TBC1D16: variants seen among roughly 807,000 people sequenced by gnomAD.
TBC1D16 encodes the protein TBC1 domain family member 16.
A neutral mutation model predicts 74.7 loss-of-function variants in TBC1D16; 58 were observed. The ratio of observed to expected loss-of-function variants is 0.78; its 90% confidence interval spans 0.63 to 0.97. The LOEUF is 0.97. TBC1D16 is among the 50% of genes least tolerant of loss of function. TBC1D16 has a pLI of 0.00. For missense variants in TBC1D16, 1,014 were observed against 1,079.5 expected (o/e 0.94, Z 0.85); for synonymous variants, 493 against 474.7 (o/e 1.04, Z -0.50).
At chr17:79,951,882 T>C (rs1285294) in intron 4 of TBC1D16, 176,839 of 326,420 alleles carry the variant, frequency 0.54, 49,948 homozygotes, top group Non-Finnish European at 0.62. Context: ...CCCGGCAACA[T>C]GGTCCCTGCA....
At position 80,008,436 on chromosome 17, in the gene TBC1D16, C is replaced by T. The variant is rs766377589; in HGVS notation, c.779+1724G>A. Among the ~76,000 whole-genome samples, 7 of 152,148 alleles carry T rather than the reference C, an allele frequency of 4.6e-5. No homozygotes were observed. The highest frequency in any genetic ancestry group is 8.8e-5 in the Non-Finnish European group (6 of 68,034). On this transcript the variant is annotated intron_variant, in intron 3 of 11. Coordinates refer to ENST00000310924, the MANE Select transcript of TBC1D16 (RefSeq NM_019020.4). This position sits in a 1 kb window ranked among gnomAD's most constrained non-coding sequence, Gnocchi z 4.5. ...GGCCAGCTTCTGGTTGTGGTTCTGC[C>T]ACAGAATCCTCAGCCCCAAGACCGT...
At position 80,010,375 on chromosome 17, in the gene TBC1D16, C is replaced by G. The variant is rs372257405; in HGVS notation, c.564G>C (p.Ser188=). 3 of 1,612,018 alleles carry G rather than the reference C, an allele frequency of 1.9e-6. No homozygotes were observed. The highest frequency in any genetic ancestry group is 2.5e-6 in the Non-Finnish European group (3 of 1,179,216). Residue 188 remains serine, a synonymous_variant, in exon 3 of 12, where the codon TCG becomes TCC. Coordinates refer to ENST00000310924, the MANE Select transcript of TBC1D16 (RefSeq NM_019020.4). This position sits in a 1 kb window ranked among gnomAD's most constrained non-coding sequence, Gnocchi z 8.8. ...QPACSPSGIL[S]TVSPQDVTEE... is the part of the protein sequence containing the mutation. ...CGGTGACATCCTGCGGACTGACCGT[C>G]GACAAGATCCCGGAGGGGCTGCAAG...
rs1311628959 is a variant in TBC1D16, at chr17:79,956,293, C to T, written c.780-3475G>A. On this transcript the variant is annotated intron_variant, in intron 3 of 11. Coordinates refer to ENST00000310924, the MANE Select transcript of TBC1D16 (RefSeq NM_019020.4). This position sits in a 1 kb window ranked among gnomAD's most constrained non-coding sequence, Gnocchi z 4.0. ...TTTAAAGACAAGGTCTCCCTCTATC[C>T]CCCTGGCTGAAGTGCGGTGGTGCAA... Among the ~76,000 whole-genome samples, 3 of 152,192 alleles carry T rather than the reference C, an allele frequency of 2.0e-5. No homozygotes were observed. Among genetic ancestry groups the T allele is most frequent in the Admixed American group, 2.0e-4 (3 of 15,284 alleles).
At chr17:80,032,757 G>T (rs1053798762) in intron 1 of TBC1D16, among the ~76,000 whole-genome samples, 4 of 152,174 alleles carry the variant, frequency 2.6e-5, no homozygotes, top group Admixed American at 1.3e-4. Flanking sequence ...TGTACAATTC[G>T]ATCATAAAAT....
intron 4 of TBC1D16, 76 bp downstream of exon 4, chr17:79,952,581 C>T (rs1598339811): frequency 6.6e-7 from 1 of 1,515,302 alleles, no homozygotes; most frequent in Non-Finnish European, 8.9e-7. Flanking sequence ...GTGCACTGCA[C>T]CGGCTGCAAA....
At position 79,983,478 on chromosome 17, in the gene TBC1D16, G is replaced by A. The variant is rs1180445038; in HGVS notation, c.779+26682C>T. Among the ~76,000 whole-genome samples, 2 of 152,166 alleles carry A rather than the reference G, an allele frequency of 1.3e-5. No homozygotes were observed. The highest frequency in any genetic ancestry group is 4.8e-5 in the African/African-American group (2 of 41,440). ...CATCAACAGGAGTGTGGACAACCTGGGGAACAGCCATGGAGACAGTGTCCC... is the reference window on the plus strand; with the variant it reads ...CATCAACAGGAGTGTGGACAACCTGAGGAACAGCCATGGAGACAGTGTCCC... On this transcript the variant is annotated intron_variant, in intron 3 of 11. Transcript: ENST00000310924. This position sits in a 1 kb window ranked among gnomAD's most constrained non-coding sequence, Gnocchi z 5.6.
chr17:79,951,397 G>C (rs539154340), intron 5 of TBC1D16, 53 bp downstream of exon 5: 2 of 1,584,298 alleles, frequency 1.3e-6, no homozygotes, highest in Non-Finnish European at 1.7e-6. Context: ...TGGGGCCCGT[G>C]GGGGGTGGGG....
At chr17:79,957,966 A>C (rs1383806515) in intron 3 of TBC1D16, among the ~76,000 whole-genome samples, 1 of 152,022 alleles carries the variant, frequency 6.6e-6, no homozygotes, top group Non-Finnish European at 1.5e-5. Flanking sequence ...AAAAAGAAAA[A>C]TATAAATGCC....
At chr17:80,028,580 G>A (rs909867798) in intron 1 of TBC1D16, among the ~76,000 whole-genome samples, 7 of 151,348 alleles carry the variant, frequency 4.6e-5, no homozygotes, top group East Asian at 3.9e-4. Context: ...AAGTAAAAGC[G>A]TCAATGCTGA....
chr17:79,995,063 G>T (rs915150597), intron 3 of TBC1D16, among the ~76,000 whole-genome samples: 23 of 152,070 alleles, frequency 1.5e-4, no homozygotes, highest in African/African-American at 5.3e-4. Context: ...ACATTGGGAG[G>T]CCAAGGCAGG....
Position 79,956,844 on chromosome 17 carries a change from G to T in TBC1D16, c.780-4026C>A, listed in dbSNP as rs925814250. Among the ~76,000 whole-genome samples the T allele has an allele frequency of 2.6e-5, 4 of 152,206 alleles. No homozygotes were observed. The highest frequency in any genetic ancestry group is 7.2e-5 in the African/African-American group (3 of 41,452). ...CCCAAGCACAGTGTCCTGAATTAATGAATCAATCCATTAATTAATGCAAAT... is the reference window on the plus strand; with the variant it reads ...CCCAAGCACAGTGTCCTGAATTAATTAATCAATCCATTAATTAATGCAAAT... On this transcript the variant is annotated intron_variant, in intron 3 of 11. Coordinates refer to ENST00000310924, the MANE Select transcript of TBC1D16 (RefSeq NM_019020.4). This position sits in a 1 kb window ranked among gnomAD's most constrained non-coding sequence, Gnocchi z 4.0.
rs1363135271 is a variant in TBC1D16 at position 80,007,984 on chromosome 17, C to A, written c.779+2176G>T. ...GAGTGCACAGCACGCCTGTCCGCTG[C>A]CCACTGATGCCAATACATCCCCACC... On this transcript the variant is annotated intron_variant, in intron 3 of 11. Coordinates refer to ENST00000310924, the MANE Select transcript of TBC1D16 (RefSeq NM_019020.4). The surrounding 1 kb of genome is among the most constrained non-coding windows in gnomAD (Gnocchi z 4.5). 1.3e-5 allele frequency among the ~76,000 whole-genome samples: 2 copies of A among 151,722 alleles called. No homozygotes were observed. The highest frequency in any genetic ancestry group is 3.9e-4 in the East Asian group (2 of 5,146).
In TBC1D16 at chr17:80,035,335, C is replaced by G. The variant is rs2036939859; in HGVS notation, c.-63+460G>C. The stretch of plus-strand genomic sequence containing the variant: ...CTTAAACAGCCCAGACCACCAAGCC[C>G]GACAGGCCGGGAAAGCTGAGCGCGC... On this transcript the variant is annotated intron_variant, in intron 1 of 11. Coordinates refer to ENST00000310924, the MANE Select transcript of TBC1D16 (RefSeq NM_019020.4). This position sits in a 1 kb window ranked among gnomAD's most constrained non-coding sequence, Gnocchi z 5.3. Among the ~76,000 whole-genome samples, 1 of 151,958 alleles carries G rather than the reference C, an allele frequency of 6.6e-6. No homozygotes were observed. The highest frequency in any genetic ancestry group is 2.4e-5 in the African/African-American group (1 of 41,360).
Position 80,010,847 on chromosome 17 carries a change from C to T in TBC1D16, c.182-90G>A. On this transcript the variant is annotated intron_variant, in intron 2 of 11. Transcript: ENST00000310924. The surrounding 1 kb of genome is among the most constrained non-coding windows in gnomAD (Gnocchi z 8.8). ...CCTTTGGCGAGCTGCTCGGAGAGGC[C>T]ACTGCCCTTTAGTAAAGTGCCAGTC... is the stretch of plus-strand genomic sequence containing the variant. 1 of 977,184 alleles carries T rather than the reference C, an allele frequency of 1.0e-6. No homozygotes were observed. The highest frequency in any genetic ancestry group is 1.4e-6 in the Non-Finnish European group (1 of 698,522). The allele number at this position is 977,184 out of a possible 1,614,324, so 60.5% of individuals were successfully genotyped here.
chr17:79,944,436 G>A lies in TBC1D16; in HGVS notation c.1908+472C>T, dbSNP rs981907933. ...TGACGGTGGACGGAGAGTGGAAGTC[G>A]GTATCACTGATTGGGGCCCTCTGGA... On this transcript the variant is annotated intron_variant, in intron 10 of 11. Coordinates refer to ENST00000310924, the MANE Select transcript of TBC1D16 (RefSeq NM_019020.4). This position sits in a 1 kb window ranked among gnomAD's most constrained non-coding sequence, Gnocchi z 7.7. 5.3e-5 allele frequency among the ~76,000 whole-genome samples: 8 copies of A among 152,186 alleles called. No homozygotes were observed. Among genetic ancestry groups the A allele is most frequent in the Admixed American group, 1.3e-4 (2 of 15,286 alleles).
In TBC1D16 at chr17:79,990,310, C is replaced by T. The variant is rs2035009508; in HGVS notation, c.779+19850G>A. ...GGGGCCGGCTCCAGGTGGTGGGAGCCCACGCCCCCGGCCAGCACTCTGGCC... is the reference window on the plus strand; with the variant it reads ...GGGGCCGGCTCCAGGTGGTGGGAGCTCACGCCCCCGGCCAGCACTCTGGCC... On this transcript the variant is annotated intron_variant, in intron 3 of 11. Transcript: ENST00000310924. This position sits in a 1 kb window ranked among gnomAD's most constrained non-coding sequence, Gnocchi z 4.8. 6.6e-6 allele frequency among the ~76,000 whole-genome samples: 1 copy of T among 152,216 alleles called. No homozygotes were observed. Among genetic ancestry groups the T allele is most frequent in the Non-Finnish European group, 1.5e-5 (1 of 68,042 alleles).
chr17:79,976,054 A>T (rs965015209), intron 3 of TBC1D16, among the ~76,000 whole-genome samples: 1 of 152,250 alleles, frequency 6.6e-6, no homozygotes, highest in Non-Finnish European at 1.5e-5. Flanking sequence ...CAGGCAGAAC[A>T]GGTGCACATC....
Position 79,942,160 on chromosome 17 carries a change from TAGATGG to T in TBC1D16, c.1949_1954del (p.Ala650_Tyr652delinsAsp). The T allele has an allele frequency of 1.2e-6, 2 of 1,609,552 alleles. No individual in the cohort carries two copies. Among genetic ancestry groups the T allele is most frequent in the Non-Finnish European group, 1.7e-6 (2 of 1,178,370 alleles). ...CTGCTGCTCGATGACGTCATCCCCG[TAGATGG>T]CCACGATGGCCACGCAGATGAAAAG... On this transcript the variant is annotated inframe_deletion, in exon 11 of 12. Coordinates refer to ENST00000310924, the MANE Select transcript of TBC1D16 (RefSeq NM_019020.4).
chr17:79,978,310 C>G (rs567218707), intron 3 of TBC1D16, among the ~76,000 whole-genome samples: 2 of 152,250 alleles, frequency 1.3e-5, no homozygotes, highest in Admixed American at 6.5e-5. Flanking sequence ...TTAACTCTGC[C>G]GATCTGCAAC....
Sources: gnomAD v4.1 joint callset for allele counts (sites outside exome capture counted in the v4.1 genomes callset) on GRCh38, gnomAD v4.1.1 for gene constraint, Gnocchi (gnomAD v3.1) non-coding constraint, MANE v1.5 for transcripts, NCBI Gene and HGNC (gene_info 2026-07-23, HGNC 2026-07-21) for gene names.